Variants in PCDH15 observed in about 807,000 individuals in gnomAD.
The protein encoded by PCDH15 is protocadherin-15.
In PCDH15, 129 loss-of-function variants were observed where a neutral mutation model predicts 178.5. That is an observed-to-expected ratio of 0.72 (90% CI 0.63 to 0.84). The LOEUF is 0.84. PCDH15 is among the 40% of genes least tolerant of loss of function. The pLI is 0.00. For synonymous variants in PCDH15, 800 were observed against 732.0 expected, an observed-to-expected ratio of 1.09 and a Z score of -1.50; for missense variants, 2,230 against 2,099.9, an observed-to-expected ratio of 1.06 and a Z score of -1.21.
At chr10:55,299,725 C>G (rs866431069) in intron 1 of PCDH15, among the ~76,000 whole-genome samples, 1 of 152,120 alleles carries the variant, frequency 6.6e-6, no homozygotes, top group Non-Finnish European at 1.5e-5. Flanking sequence ...ATTGGACCAA[C>G]CTCCAATAAA....
At chr10:54,442,377 TC>T (rs2075841772) in intron 3 of PCDH15, among the ~76,000 whole-genome samples, 1 of 37,992 alleles carries the variant, frequency 2.6e-5, no homozygotes, top group Non-Finnish European at 8.0e-5. Context: ...GGAGGGACAG[TC>T]TCCTTTTTTT....
intron 8 of PCDH15, among the ~76,000 whole-genome samples, chr10:54,293,322 T>C (rs1260631454): frequency 6.6e-6 from 1 of 152,174 alleles, no homozygotes; most frequent in Non-Finnish European, 1.5e-5. Flanking sequence ...TAATTCAAGA[T>C]GGATTAAAGA....
At chr10:55,402,463 A>C (rs1283810196) in intron 2 of PCDH15, among the ~76,000 whole-genome samples, 1 of 151,906 alleles carries the variant, frequency 6.6e-6, no homozygotes, top group East Asian at 1.9e-4. Flanking sequence ...ACTAGAACTT[A>C]TTCTTTCTGT....
chr10:54,741,820 A>C (rs1944846641), intron 1 of PCDH15, among the ~76,000 whole-genome samples: 1 of 151,902 alleles, frequency 6.6e-6, no homozygotes, highest in Non-Finnish European at 1.5e-5. Context: ...ACTTCAAAAG[A>C]CCATTGTGAT....
At chr10:55,603,570 A>C (rs1843137059) in intron 2 of PCDH15, among the ~76,000 whole-genome samples, 1 of 151,998 alleles carries the variant, frequency 6.6e-6, no homozygotes, top group Non-Finnish European at 1.5e-5. Flanking sequence ...ACAAGCCAGA[A>C]GAGAGTGGGG....
At chr10:54,588,706 GC>G (rs1477861544) in intron 2 of PCDH15, among the ~76,000 whole-genome samples, 2 of 152,082 alleles carry the variant, frequency 1.3e-5, no homozygotes, top group African/African-American at 4.8e-5. Flanking sequence ...CTCCCAAGCA[GC>G]TGTGACTACA....
chr10:54,081,468 T>C (rs1427100839), intron 16 of PCDH15, among the ~76,000 whole-genome samples: 1 of 152,066 alleles, frequency 6.6e-6, no homozygotes, highest in Non-Finnish European at 1.5e-5. Context: ...CTGGTGATTA[T>C]TATAGAGGTA....
chr10:54,118,635 G>A (rs1342427770), intron 15 of PCDH15, among the ~76,000 whole-genome samples: 1 of 151,834 alleles, frequency 6.6e-6, no homozygotes, highest in African/African-American at 2.4e-5. Flanking sequence ...ACTCTAGCCT[G>A]GGCAACAGAG....
chr10:55,245,262 T>C (rs1194014510), intron 1 of PCDH15, among the ~76,000 whole-genome samples: 1 of 152,164 alleles, frequency 6.6e-6, no homozygotes, highest in Non-Finnish European at 1.5e-5. Flanking sequence ...TTTGCTGTAA[T>C]GTTTTGAAAC....
At chr10:54,946,790 G>T (rs1838210020) in intron 2 of PCDH15, among the ~76,000 whole-genome samples, 1 of 151,842 alleles carries the variant, frequency 6.6e-6, no homozygotes, top group South Asian at 2.1e-4. Context: ...TCAAGCTGGT[G>T]TTAGGAATTA....
chr10:54,598,174 A>G (rs573019878), intron 2 of PCDH15, among the ~76,000 whole-genome samples: 56 of 152,162 alleles, frequency 3.7e-4, no homozygotes, highest in African/African-American at 1.3e-3. Flanking sequence ...CAGAGACACA[A>G]CAAAAAAGAG....
At chr10:55,075,636 T>C (rs1055096862) in intron 2 of PCDH15, among the ~76,000 whole-genome samples, 1 of 152,136 alleles carries the variant, frequency 6.6e-6, no homozygotes, top group East Asian at 1.9e-4. Context: ...GTGCTGGGAT[T>C]ACAGGCATAA....
chr10:55,271,779 A>C (rs1842451182), intron 1 of PCDH15, among the ~76,000 whole-genome samples: 1 of 151,676 alleles, frequency 6.6e-6, no homozygotes, highest in African/African-American at 2.4e-5. Context: ...TAAAGCTCAG[A>C]CCTCCCCATC....
rs909750695 is a variant in PCDH15 at position 54,770,783 on chromosome 10, G to A, written c.-29+30142C>T. ...TTAAATGAAGTTACTTAATCTCAAC[G>A]AAATTACCCAAATATATGCTCATGA... On this transcript the variant is annotated intron_variant, in intron 1 of 37. Coordinates refer to ENST00000644397, the MANE Select transcript of PCDH15 (RefSeq NM_001384140.1). 5.3e-5 allele frequency among the ~76,000 whole-genome samples: 8 copies of A among 152,016 alleles called. No homozygotes were observed. The East Asian group carries it at 1.5e-3, about 29-fold the overall frequency.
chr10:55,289,198 C>T (rs931027523), intron 1 of PCDH15, among the ~76,000 whole-genome samples: 1 of 151,916 alleles, frequency 6.6e-6, no homozygotes, highest in Non-Finnish European at 1.5e-5. Context: ...TTGTGAGTCA[C>T]TAAAGAAAAA....
chr10:55,275,438 T>C (rs1293761961), intron 1 of PCDH15, among the ~76,000 whole-genome samples: 1 of 152,022 alleles, frequency 6.6e-6, no homozygotes, highest in African/African-American at 2.4e-5. Flanking sequence ...TGTTCTTCTA[T>C]AGTGTCTTCT....
chr10:54,186,639 A>G (rs1399287913), intron 11 of PCDH15, among the ~76,000 whole-genome samples: 1 of 151,988 alleles, frequency 6.6e-6, no homozygotes, highest in African/African-American at 2.4e-5. Context: ...TAAGAAAGTA[A>G]TACTACACAT....
chr10:55,327,495 T>G (rs1360265509), intron 2 of PCDH15, among the ~76,000 whole-genome samples: 1 of 152,026 alleles, frequency 6.6e-6, no homozygotes. Context: ...AAGTTTAACA[T>G]ACAACAGAAA....
At chr10:54,840,962 G>A (rs1274887076) in intron 3 of PCDH15, among the ~76,000 whole-genome samples, 6 of 151,736 alleles carry the variant, frequency 4.0e-5, no homozygotes, top group Non-Finnish European at 8.9e-5. Context: ...GAAGTAGACA[G>A]CAGTACAATA....
Sources: gnomAD v4.1 joint callset for allele counts (sites outside exome capture counted in the v4.1 genomes callset) on GRCh38, gnomAD v4.1.1 for gene constraint, MANE v1.5 for transcripts, NCBI Gene and HGNC (gene_info 2026-07-23, HGNC 2026-07-21) for gene names.